HPS5: variants seen among roughly 807,000 people sequenced by gnomAD.
The protein encoded by HPS5 is BLOC-2 complex member HPS5.
HPS5 carries 83 observed loss-of-function variants against 128.0 expected under a neutral mutation model. That is an observed-to-expected ratio of 0.65 (90% confidence interval 0.54 to 0.78). The LOEUF is 0.78. Among genes scored for constraint, HPS5 ranks in the 30% least tolerant of loss-of-function variants. HPS5 has a pLI of 0.00. For missense variants in HPS5, 1,281 were observed against 1,326.2 expected, an observed-to-expected ratio of 0.97 and a Z score of 0.53; for synonymous variants, 475 against 470.2, an observed-to-expected ratio of 1.01 and a Z score of -0.13.
At chr11:18,305,591 A>G in intron 7 of HPS5, 98 bp from the exon 8 acceptor site, 2 of 817,882 alleles carry the variant, frequency 2.4e-6, no homozygotes, top group Non-Finnish European at 4.1e-6. Context: ...CTCCAAAACA[A>G]ATTCAAGAGC....
intron 18 of HPS5, 86 bp from the exon 19 acceptor site, chr11:18,286,796 T>C (rs752810214): frequency 4.2e-5 from 64 of 1,527,714 alleles, no homozygotes; most frequent in Non-Finnish European, 5.2e-5. Context: ...AAAACCTGAT[T>C]AAGAGATGAA....
rs190782914 is a variant in HPS5 at position 18,307,998 on chromosome 11, C to T, written c.611+948G>A. Among the ~76,000 whole-genome samples the T allele has an allele frequency of 1.0e-3, 156 of 152,170 alleles. 2 individuals carry two copies. In the South Asian group the frequency reaches 0.011, roughly 11 times the overall value. ...TTCTTTTGTGTAGGCTCAAAACTCTCCATGATAAATTTTTAAAAGGAGATG... is the reference window on the plus strand; with the variant it reads ...TTCTTTTGTGTAGGCTCAAAACTCTTCATGATAAATTTTTAAAAGGAGATG... On this transcript the variant is annotated intron_variant, in intron 6 of 22. Coordinates refer to ENST00000349215, the MANE Select transcript of HPS5 (RefSeq NM_181507.2).
chr11:18,302,630 G>A (rs1861828870), intron 8 of HPS5, among the ~76,000 whole-genome samples: 2 of 151,894 alleles, frequency 1.3e-5, no homozygotes, highest in South Asian at 4.2e-4. Flanking sequence ...GGTTCCATGT[G>A]GCTATGAAAC....
chr11:18,279,587 G>A lies in HPS5; in HGVS notation c.*295C>T, dbSNP rs1231067305. On this transcript the variant is annotated 3_prime_UTR_variant, in exon 23 of 23. Transcript: ENST00000349215. ...CAACAAGCAGTTAATACTGTAGTTC[G>A]GAATAATACTAGGACATTAACATTC... 1.9e-5 allele frequency: 8 copies of A among 427,994 alleles called. No homozygotes were observed. The highest frequency in any genetic ancestry group is 4.7e-5 in the East Asian group (1 of 21,356). The allele number at this position is 427,994 out of a possible 1,614,324, so 26.5% of individuals were successfully genotyped here. A position where few individuals can be genotyped will look rare whatever the true frequency, so the allele number is the denominator to read the frequency against.
At chr11:18,295,318 T>C in intron 13 of HPS5, 149 bp from the exon 14 acceptor site, 2 of 672,360 alleles carry the variant, frequency 3.0e-6, no homozygotes, top group East Asian at 2.7e-5. Context: ...TCTGTTCAAA[T>C]AATAGTATTT....
chr11:18,300,662 AC>A (rs1861590989), intron 9 of HPS5, among the ~76,000 whole-genome samples, 165 bp downstream of exon 9: 1 of 145,976 alleles, frequency 6.9e-6, no homozygotes, highest in African/African-American at 2.6e-5. Flanking sequence ...GCACCAGTGC[AC>A]TCCAGCCTGG....
At chr11:18,283,961 G>C in intron 20 of HPS5, 60 bp from the exon 21 acceptor site, 1 of 1,151,162 alleles carries the variant, frequency 8.7e-7, no homozygotes, top group Non-Finnish European at 1.3e-6. Context: ...CTGGAGCTGT[G>C]CTGCCCAAAA....
intron 1 of HPS5, among the ~76,000 whole-genome samples, chr11:18,319,036 T>A (rs1423821844): frequency 6.6e-6 from 1 of 151,228 alleles, no homozygotes; most frequent in East Asian, 1.9e-4. Flanking sequence ...GCAAGGAGAA[T>A]GTTCAGGAAA....
chr11:18,299,091 C>A, intron 9 of HPS5, 121 bp from the exon 10 acceptor site: 1 of 879,038 alleles, frequency 1.1e-6, no homozygotes, highest in Non-Finnish European at 1.8e-6. Context: ...GACTGAATTT[C>A]ATCTCTATTT....
rs1157985873 is a variant in HPS5, at chr11:18,311,980, A to G, written c.153T>C (p.Ser51=). The change falls in exon 3 of 23, where the codon AGT becomes AGC. Residue 51 remains serine (S), a synonymous_variant. Coordinates refer to ENST00000349215, the MANE Select transcript of HPS5 (RefSeq NM_181507.2). ...AVSRKWLALG[S]SGGGLHLIQK... ...GAATGAGATGGAGTCCTCCTCCTGA[A>G]CTGCCCAAAGCCAACCATTTCCGAG... 2 of 1,614,124 alleles carry G rather than the reference A, an allele frequency of 1.2e-6. No individual in the cohort carries two copies. The highest frequency in any genetic ancestry group is 2.2e-5 in the South Asian group (2 of 91,082).
chr11:18,311,144 C>G (rs997735088), intron 4 of HPS5, among the ~76,000 whole-genome samples: 1 of 152,136 alleles, frequency 6.6e-6, no homozygotes, highest in Non-Finnish European at 1.5e-5. Context: ...ATCTCTGTTC[C>G]CTTTATCTTT....
At chr11:18,314,037 C>T (rs1321141013) in intron 2 of HPS5, among the ~76,000 whole-genome samples, 1 of 151,972 alleles carries the variant, frequency 6.6e-6, no homozygotes, top group Non-Finnish European at 1.5e-5. Flanking sequence ...TAATGAAACC[C>T]TATCTCTAAA....
rs1862335269 is a variant in HPS5 at position 18,306,124 on chromosome 11, C to T, written c.824+11G>A. ...CTTCAAACAATCCCAACCAGCCATACAAATCGTTACCTGAGAGTAATCACA... is the reference window on the plus strand; with the variant it reads ...CTTCAAACAATCCCAACCAGCCATATAAATCGTTACCTGAGAGTAATCACA... On this transcript the variant is annotated intron_variant, in intron 7 of 22. Transcript: ENST00000349215. The T allele has an allele frequency of 6.4e-7, 1 of 1,567,904 alleles. No homozygotes were observed. Among genetic ancestry groups the T allele is most frequent in the East Asian group, 2.2e-5 (1 of 44,610 alleles).
intron 8 of HPS5, among the ~76,000 whole-genome samples, chr11:18,302,342 C>T (rs1047657727): frequency 6.6e-6 from 1 of 152,142 alleles, no homozygotes; most frequent in Non-Finnish European, 1.5e-5. Context: ...CTCCAACTTA[C>T]AATGTTCTTA....
chr11:18,306,603 G>A (rs1372888015), intron 6 of HPS5, among the ~76,000 whole-genome samples: 2 of 152,166 alleles, frequency 1.3e-5, no homozygotes. Context: ...AGAATAAGAG[G>A]CTCAGAATTA....
At chr11:18,294,947 T>C (rs941884702) in intron 14 of HPS5, 73 bp downstream of exon 14, 34 of 1,527,906 alleles carry the variant, frequency 2.2e-5, no homozygotes, top group Middle Eastern at 1.8e-4. Context: ...CTGCACAAGG[T>C]TGGTCTATGG....
At chr11:18,293,153 T>G (rs1332506012) in intron 14 of HPS5, among the ~76,000 whole-genome samples, 177 bp from the exon 15 acceptor site, 3 of 151,992 alleles carry the variant, frequency 2.0e-5, no homozygotes, top group Non-Finnish European at 4.4e-5. Flanking sequence ...CTCAGAGCTT[T>G]CTTAGACAAA....
chr11:18,312,356 G>C (rs1268217898), intron 2 of HPS5, among the ~76,000 whole-genome samples: 1 of 152,168 alleles, frequency 6.6e-6, no homozygotes, highest in Non-Finnish European at 1.5e-5. Context: ...TACAACAATG[G>C]AAGACCAAGG....
rs1458448766 is a variant in HPS5 at position 18,278,839 on chromosome 11, A to G, written c.*1043T>C. The G allele has an allele frequency of 6.6e-6, 1 of 152,636 alleles. No homozygotes were observed. The highest frequency in any genetic ancestry group is 1.5e-5 in the Non-Finnish European group (1 of 68,046). The allele number at this position is 152,636 out of a possible 1,614,324, so 9.5% of individuals were successfully genotyped here. The stretch of plus-strand genomic sequence containing the variant: ...ACAGGAGCCTGACAAATGACAATCT[A>G]CTTACATAATTTAAATAACACAAGT... On this transcript the variant is annotated 3_prime_UTR_variant, in exon 23 of 23. Transcript: ENST00000349215.
Sources: gnomAD v4.1 joint callset for allele counts (sites outside exome capture counted in the v4.1 genomes callset) on GRCh38, gnomAD v4.1.1 for gene constraint, MANE v1.5 for transcripts, NCBI Gene and HGNC (gene_info 2026-07-23, HGNC 2026-07-21) for gene names.